The following TNFRSF11A variants were observed in gnomAD, a reference collection of about 807,000 sequenced individuals.
TNFRSF11A encodes TNF receptor superfamily member 11a, also known as tumor necrosis factor receptor superfamily member 11A.
TNFRSF11A carries 32 observed loss-of-function variants against 55.7 expected under a neutral mutation model. The observed-to-expected ratio is 0.57, with a 90% CI of 0.43 to 0.77. The LOEUF is 0.77. Ranked by LOEUF, TNFRSF11A falls within the 30% of genes least tolerant of loss-of-function variation. The pLI is 0.00. For synonymous variants in TNFRSF11A, 311 were observed against 331.0 expected (o/e 0.94, Z 0.65); for missense variants, 753 against 809.8 (o/e 0.93, Z 0.85).
At chr18:62,345,613 G>T (rs1223345526) in intron 1 of TNFRSF11A, among the ~76,000 whole-genome samples, 2 of 152,190 alleles carry the variant, frequency 1.3e-5, no homozygotes, top group Non-Finnish European at 2.9e-5. Context: ...TTGGGGTGAT[G>T]AAAATGTTCA....
intron 9 of TNFRSF11A, among the ~76,000 whole-genome samples, chr18:62,373,674 AG>A (rs1465615529): frequency 6.6e-6 from 1 of 152,108 alleles, no homozygotes; most frequent in Non-Finnish European, 1.5e-5. Flanking sequence ...GGGGGATGGA[AG>A]GGCCGGCACT....
At chr18:62,355,601 A>T (rs1909200729) in intron 4 of TNFRSF11A, among the ~76,000 whole-genome samples, 3 of 152,162 alleles carry the variant, frequency 2.0e-5, no homozygotes, top group Admixed American at 6.5e-5. Context: ...ATTTTTAAAT[A>T]TTTACTTTGA....
chr18:62,369,396 C>G lies in TNFRSF11A; in HGVS notation c.1479C>G (p.Pro493=). ...GCAGGACGGAGGCCAGAGACCAGCC[C>G]GAGGATGGGGCTGATGGGAGGCTCC... is the stretch of plus-strand genomic sequence containing the variant. ...EASRTEARDQ[P]EDGADGRLPS... is the part of the protein sequence containing the mutation. The change falls in exon 9 of 10, where the codon CCC becomes CCG. Residue 493 remains proline, a synonymous_variant. Transcript: ENST00000586569. The G allele has an allele frequency of 6.2e-7, 1 of 1,611,726 alleles. No homozygotes were observed. The highest frequency in any genetic ancestry group is 8.5e-7 in the Non-Finnish European group (1 of 1,179,950).
intron 1 of TNFRSF11A, among the ~76,000 whole-genome samples, chr18:62,332,532 A>G (rs1299064426): frequency 6.6e-6 from 1 of 152,152 alleles, no homozygotes; most frequent in Admixed American, 6.5e-5. Context: ...AATATCAGGA[A>G]CTTCCCTCTA....
intron 1 of TNFRSF11A, chr18:62,336,834 CA>C (rs1158705295): frequency 6.6e-6 from 1 of 152,188 alleles, no homozygotes; most frequent in Non-Finnish European, 1.5e-5. Context: ...TTTTGAAACG[CA>C]AGCTTGTTTC....
intron 3 of TNFRSF11A, among the ~76,000 whole-genome samples, chr18:62,352,220 A>G (rs2145302583): frequency 6.6e-6 from 1 of 152,330 alleles, no homozygotes; most frequent in South Asian, 2.1e-4. Flanking sequence ...CTTAAACTAC[A>G]ATCAGACATT....
intron 4 of TNFRSF11A, among the ~76,000 whole-genome samples, chr18:62,356,004 C>T (rs559690274): frequency 3.3e-5 from 5 of 152,312 alleles, no homozygotes; most frequent in South Asian, 2.1e-4. Context: ...AACGCTCTAT[C>T]AGTTGAGAAT....
chr18:62,373,196 G>A (rs1365923287), intron 9 of TNFRSF11A, among the ~76,000 whole-genome samples: 4 of 152,214 alleles, frequency 2.6e-5, no homozygotes, highest in African/African-American at 7.2e-5. Flanking sequence ...AGTGGCTCAC[G>A]CCTATAATCC....
At chr18:62,380,688 G>A (rs1372458250) in intron 9 of TNFRSF11A, among the ~76,000 whole-genome samples, 4 of 151,942 alleles carry the variant, frequency 2.6e-5, no homozygotes, top group South Asian at 4.2e-4. Context: ...CACCCGCCTC[G>A]GCCTCCCAAA....
chr18:62,351,124 T>C (rs2046465040), intron 3 of TNFRSF11A, among the ~76,000 whole-genome samples: 1 of 149,666 alleles, frequency 6.7e-6, no homozygotes, highest in Non-Finnish European at 1.5e-5. Context: ...TGCCTCAGCC[T>C]CCCCAGTAGC....
chr18:62,381,249 G>A (rs774731088), intron 9 of TNFRSF11A, among the ~76,000 whole-genome samples: 2 of 152,164 alleles, frequency 1.3e-5, no homozygotes, highest in Non-Finnish European at 2.9e-5. Context: ...TAGGTTATCA[G>A]TATCAAAGAT....
chr18:62,375,948 C>G (rs772257454), intron 9 of TNFRSF11A, among the ~76,000 whole-genome samples: 10 of 152,328 alleles, frequency 6.6e-5, no homozygotes, highest in South Asian at 6.2e-4. Context: ...GCAGTGCAAC[C>G]TTAAACCACC....
In TNFRSF11A at chr18:62,335,129, ATT is replaced by A. The variant is rs11289576; in HGVS notation, c.75+9717_75+9718del. Among the ~76,000 whole-genome samples, 943 of 140,622 alleles carry A rather than the reference ATT, an allele frequency of 6.7e-3. 13 individuals carry two copies. The highest frequency in any genetic ancestry group is 0.011 in the African/African-American group (417 of 38,476). The allele number at this position is 140,622 out of a possible 152,430, so 92.3% of individuals were successfully genotyped here. ...CTGTGACCAAGCCACTGGGGTCGGA[ATT>A]TTTTTTTTTTTTTTGTTACCCAGGC... On this transcript the variant is annotated intron_variant, in intron 1 of 9. Coordinates refer to ENST00000586569, the MANE Select transcript of TNFRSF11A (RefSeq NM_003839.4).
chr18:62,339,020 C>T (rs1487205730), intron 1 of TNFRSF11A, among the ~76,000 whole-genome samples: 1 of 152,166 alleles, frequency 6.6e-6, no homozygotes, highest in African/African-American at 2.4e-5. Flanking sequence ...TTTTCGTCTC[C>T]ATCTCTGTTT....
Position 62,385,043 on chromosome 18 carries a change from C to G in TNFRSF11A, c.*9C>G, listed in dbSNP as rs1381934075. ...GCGGGGCCAAGGCTTGAGCGCCCCC[C>G]ATGGCTGGGAGCCCGAAGCTCGGAG... On this transcript the variant is annotated 3_prime_UTR_variant, in exon 10 of 10. Transcript: ENST00000586569. 1.4e-6 allele frequency: 2 copies of G among 1,467,552 alleles called. No homozygotes were observed. Among genetic ancestry groups the G allele is most frequent in the Admixed American group, 2.6e-5 (1 of 38,992 alleles). 90.9% of individuals were successfully genotyped at this position (1,467,552 alleles called of 1,614,324 possible).
Position 62,325,751 on chromosome 18 carries a change from C to T in TNFRSF11A, c.75+324C>T, listed in dbSNP as rs541401983. On this transcript the variant is annotated intron_variant, in intron 1 of 9. Transcript: ENST00000586569. This position sits in a 1 kb window ranked among gnomAD's most constrained non-coding sequence, Gnocchi z 4.7. ...AAATGCTTCTTGAGCACCTACTAAG[C>T]GCTTGCGCCGGGCGGTGCCGCGGGA... Among the ~76,000 whole-genome samples the T allele has an allele frequency of 2.0e-5, 3 of 152,228 alleles. No individual in the cohort carries two copies. The highest frequency in any genetic ancestry group is 2.9e-5 in the Non-Finnish European group (2 of 68,030).
chr18:62,345,149 C>A (rs2046364971), intron 1 of TNFRSF11A, among the ~76,000 whole-genome samples: 1 of 152,142 alleles, frequency 6.6e-6, no homozygotes, highest in African/African-American at 2.4e-5. Flanking sequence ...GGAACTGAGG[C>A]ATGAGATTAG....
At chr18:62,342,699 C>T (rs936437396) in intron 1 of TNFRSF11A, among the ~76,000 whole-genome samples, 8 of 152,142 alleles carry the variant, frequency 5.3e-5, no homozygotes, top group Middle Eastern at 3.2e-3. Flanking sequence ...TAGCCCAGAA[C>T]ATCTGAATTC....
At chr18:62,333,275 C>T (rs1030795742) in intron 1 of TNFRSF11A, among the ~76,000 whole-genome samples, 6 of 152,268 alleles carry the variant, frequency 3.9e-5, no homozygotes, top group Non-Finnish European at 7.4e-5. Flanking sequence ...CAGTCTCCCC[C>T]GGGAACTCGT....
Sources: gnomAD v4.1 joint callset for allele counts (sites outside exome capture counted in the v4.1 genomes callset) on GRCh38, gnomAD v4.1.1 for gene constraint, Gnocchi (gnomAD v3.1) non-coding constraint, MANE v1.5 for transcripts, NCBI Gene and HGNC (gene_info 2026-07-23, HGNC 2026-07-21) for gene names.